The following AMMECR1 variants were observed in gnomAD, a reference collection of about 807,000 sequenced individuals.
The protein encoded by AMMECR1 is nuclear protein AMMECR1.
AMMECR1 carries 3 observed loss-of-function variants against 22.5 expected under a neutral mutation model. That is an observed-to-expected ratio of 0.13 (90% CI 0.06 to 0.35). The LOEUF (loss-of-function observed/expected upper bound fraction) is 0.35. AMMECR1 is among the 10% of genes least tolerant of loss of function. The pLI, the probability that AMMECR1 is intolerant of heterozygous loss-of-function variation, is 1.00. For synonymous variants in AMMECR1, 130 were observed against 116.7 expected, an observed-to-expected ratio of 1.11 and a Z score of -0.74; for missense variants, 235 against 278.7, an observed-to-expected ratio of 0.84 and a Z score of 1.12.
At chrX:110,395,297 G>A (rs2068521259) in intron 2 of AMMECR1, among the ~76,000 whole-genome samples, 2 of 112,034 alleles carry the variant, frequency 1.8e-5, no homozygotes, top group African/African-American at 6.5e-5. Context: ...ACCATTGCAT[G>A]CTTCATCACC....
intron 2 of AMMECR1, among the ~76,000 whole-genome samples, chrX:110,403,225 C>G (rs889347686): frequency 1.2e-4 from 13 of 112,272 alleles, no homozygotes; most frequent in African/African-American, 4.2e-4. Flanking sequence ...CCACACATTG[C>G]AAACCTCACA....
chrX:110,258,046 A>G (rs1367670187), intron 2 of AMMECR1, among the ~76,000 whole-genome samples: 2 of 111,962 alleles, frequency 1.8e-5, no homozygotes, highest in Admixed American at 1.9e-4. Context: ...AGCTTCTCTC[A>G]ACACTACCTT....
chrX:110,400,088 A>G (rs2068553953), intron 2 of AMMECR1, among the ~76,000 whole-genome samples: 1 of 109,961 alleles, frequency 9.1e-6, no homozygotes, highest in Non-Finnish European at 1.9e-5. Flanking sequence ...AGATGCTGTA[A>G]TCTTCCTCCC....
At chrX:110,358,451 A>G (rs1485107433) in intron 2 of AMMECR1, among the ~76,000 whole-genome samples, 2 of 110,916 alleles carry the variant, frequency 1.8e-5, no homozygotes, top group East Asian at 2.9e-4. Flanking sequence ...CAGGCCCTAT[A>G]CTGAATGCAT....
intron 2 of AMMECR1, among the ~76,000 whole-genome samples, chrX:110,352,977 A>G (rs2148243920): frequency 8.9e-6 from 1 of 112,551 alleles, no homozygotes; most frequent in African/African-American, 3.2e-5. Context: ...TATAGCATTC[A>G]TTATTCACTT....
At chrX:110,341,761 G>C (rs1192299918) in intron 2 of AMMECR1, among the ~76,000 whole-genome samples, 2 of 112,436 alleles carry the variant, frequency 1.8e-5, no homozygotes, top group African/African-American at 6.5e-5. Context: ...GCTGTAAAGT[G>C]CTTCCTTTCA....
chrX:110,432,285 G>A (rs1011624372), intron 1 of AMMECR1, among the ~76,000 whole-genome samples: 11 of 112,149 alleles, frequency 9.8e-5, no homozygotes, highest in African/African-American at 1.9e-4. Context: ...CTTGCAAGAC[G>A]GGGAGCCACA....
chrX:110,420,076 A>G (rs928484106), intron 2 of AMMECR1, among the ~76,000 whole-genome samples: 2 of 111,738 alleles, frequency 1.8e-5, no homozygotes. Context: ...GTCTGAGTCC[A>G]AGTCCACAAA....
intron 2 of AMMECR1, among the ~76,000 whole-genome samples, chrX:110,258,704 T>C (rs756929974): frequency 8.9e-6 from 1 of 112,047 alleles, no homozygotes; most frequent in East Asian, 2.8e-4. Context: ...TTGCCAAAAA[T>C]TGTTTGGCCT....
At chrX:110,245,083 C>T (rs1175374770) in intron 2 of AMMECR1, among the ~76,000 whole-genome samples, 6 of 111,835 alleles carry the variant, frequency 5.4e-5, no homozygotes, top group African/African-American at 2.0e-4. Context: ...TAATGAAAAC[C>T]AGCTAGGAGA....
intron 2 of AMMECR1, among the ~76,000 whole-genome samples, chrX:110,391,616 TTC>T (rs2068494104): frequency 8.9e-6 from 1 of 112,236 alleles, no homozygotes; most frequent in African/African-American, 3.2e-5. Flanking sequence ...TGCTGTAATT[TTC>T]TCTTTGTCCC....
chrX:110,412,815 G>C (rs761634696), intron 2 of AMMECR1, among the ~76,000 whole-genome samples: 23 of 112,362 alleles, frequency 2.0e-4, no homozygotes, highest in African/African-American at 7.1e-4. Flanking sequence ...TTTTTGTTAA[G>C]GGTATTATAT....
chrX:110,322,290 GGAA>G (rs2068081903), upstream of AMMECR1, among the ~76,000 whole-genome samples: 2 of 112,135 alleles, frequency 1.8e-5, no homozygotes, highest in Non-Finnish European at 3.8e-5. Context: ...AGGCTTTCTA[GGAA>G]GAAGATGATC....
At chrX:110,315,700 T>C (rs1340558676) in intron 1 of AMMECR1, among the ~76,000 whole-genome samples, 1 of 112,277 alleles carries the variant, frequency 8.9e-6, no homozygotes, top group Non-Finnish European at 1.9e-5. Context: ...TGTTCTCATA[T>C]GCTTTGGAGC....
chrX:110,293,023 A>G (rs1354710703), intron 1 of AMMECR1, among the ~76,000 whole-genome samples: 1 of 112,393 alleles, frequency 8.9e-6, no homozygotes, highest in African/African-American at 3.2e-5. Flanking sequence ...TCTTTTAAAA[A>G]GTATCTACAA....
At chrX:110,423,002 C>T (rs2068728587) in intron 2 of AMMECR1, among the ~76,000 whole-genome samples, 1 of 111,727 alleles carries the variant, frequency 9.0e-6, no homozygotes, top group African/African-American at 3.3e-5. Flanking sequence ...TGATCCCACC[C>T]CGTCATGTCC....
chrX:110,297,319 A>G (rs188399170), intron 1 of AMMECR1, among the ~76,000 whole-genome samples: 165 of 111,369 alleles, frequency 1.5e-3, no homozygotes, highest in Admixed American at 2.3e-3. Flanking sequence ...GCTTGTTTTC[A>G]ACAAATGTCC....
intron 2 of AMMECR1, among the ~76,000 whole-genome samples, chrX:110,335,561 G>A (rs1490906344): frequency 9.0e-6 from 1 of 111,558 alleles, no homozygotes; most frequent in Non-Finnish European, 1.9e-5. Context: ...GCCCACCACG[G>A]ACAGCTTAGC....
At chrX:110,322,961 C>T (rs192596735), upstream of AMMECR1, among the ~76,000 whole-genome samples, 475 of 111,703 alleles carry the variant, frequency 4.3e-3, 2 homozygotes, top group Non-Finnish European at 6.8e-3. Flanking sequence ...CACCCTACAG[C>T]CTTTTCTTTG....
Sources: allele counts gnomAD v4.1 joint callset (sites outside exome capture counted in the v4.1 genomes callset), GRCh38; gene constraint gnomAD v4.1.1; transcripts MANE v1.5; gene names NCBI Gene and HGNC (gene_info 2026-07-23, HGNC 2026-07-21).